The following TCF7L2 variants were observed in gnomAD, a reference collection of about 807,000 sequenced individuals.
The protein encoded by TCF7L2 is transcription factor 7 like 2.
In TCF7L2, 23 loss-of-function variants were observed where a neutral mutation model predicts 77.9. The ratio of observed to expected loss-of-function variants is 0.30; its 90% CI spans 0.21 to 0.42. The LOEUF is 0.42. TCF7L2 is among the 10% of genes least tolerant of loss of function. TCF7L2 has a pLI of 1.00. For synonymous variants in TCF7L2, 413 were observed against 340.2 expected (o/e 1.21, Z -2.36); for missense variants, 654 against 793.1 (o/e 0.82, Z 2.11).
At chr10:112,983,216 A>C (rs2040821799) in intron 4 of TCF7L2, among the ~76,000 whole-genome samples, 1 of 151,676 alleles carries the variant, frequency 6.6e-6, no homozygotes, top group Non-Finnish European at 1.5e-5. Context: ...TCATGCCTGT[A>C]ATCCCAGCAC....
At chr10:113,073,503 CAAAAAAAAAAAAAAAA>C (rs35730806) in intron 5 of TCF7L2, among the ~76,000 whole-genome samples, 28 of 43,980 alleles carry the variant, frequency 6.4e-4, no homozygotes, top group African/African-American at 2.4e-3. Context: ...CGGTCTCTAC[CAAAAAAAAAAAAAAAA>C]AAAAAAAAAA....
intron 5 of TCF7L2, among the ~76,000 whole-genome samples, chr10:113,072,209 C>T (rs1012048028): frequency 3.3e-5 from 5 of 152,032 alleles, no homozygotes; most frequent in Admixed American, 1.3e-4. Context: ...GCACCCGCCA[C>T]CACGCCCGAC....
chr10:113,052,968 G>C lies in TCF7L2; in HGVS notation c.552+12842G>C, dbSNP rs11196209. The stretch of plus-strand genomic sequence containing the variant: ...TTGTTCTTTTTAAAAAGATACAAAC[G>C]AACTTCTTTATCTGATTCTTTTTTT... On this transcript the variant is annotated intron_variant, in intron 5 of 13. Coordinates refer to ENST00000627217, the MANE Select transcript of TCF7L2 (RefSeq NM_001146274.2). Among the ~76,000 whole-genome samples, 4 of 152,206 alleles carry C rather than the reference G, an allele frequency of 2.6e-5. No individual in the cohort carries two copies. In the East Asian group the frequency reaches 5.8e-4, roughly 22 times the overall value.
chr10:113,057,938 T>G (rs1055434583), intron 5 of TCF7L2, among the ~76,000 whole-genome samples: 1 of 152,198 alleles, frequency 6.6e-6, no homozygotes, highest in African/African-American at 2.4e-5. Context: ...GGGGGCTGTT[T>G]GAGATGGAGG....
chr10:113,124,221 G>T (rs557550414), intron 5 of TCF7L2, among the ~76,000 whole-genome samples: 1 of 152,168 alleles, frequency 6.6e-6, no homozygotes, highest in South Asian at 2.1e-4. Context: ...TGAGAACTTT[G>T]CCATCTGTAT....
intron 5 of TCF7L2, among the ~76,000 whole-genome samples, chr10:113,135,613 C>T (rs556218588): frequency 2.0e-5 from 3 of 152,270 alleles, no homozygotes; most frequent in East Asian, 1.9e-4. Context: ...CCAGAACTGA[C>T]GACATAAAGT....
chr10:113,057,083 G>T (rs2055517386), intron 5 of TCF7L2, among the ~76,000 whole-genome samples: 1 of 152,206 alleles, frequency 6.6e-6, no homozygotes, highest in South Asian at 2.1e-4. Context: ...GAGGAAAGTT[G>T]CTGTGAGTAG....
chr10:113,024,037 C>T (rs1439378411), intron 4 of TCF7L2, among the ~76,000 whole-genome samples: 1 of 151,844 alleles, frequency 6.6e-6, no homozygotes, highest in Non-Finnish European at 1.5e-5. Flanking sequence ...GTGGCTCATG[C>T]CTGTAATCCT....
chr10:113,131,264 A>T lies in TCF7L2; in HGVS notation c.553-9920A>T, dbSNP rs139318556. On this transcript the variant is annotated intron_variant, in intron 5 of 13. Coordinates refer to ENST00000627217, the MANE Select transcript of TCF7L2 (RefSeq NM_001146274.2). ...GACTTATGTTCATATTTTCAACATC[A>T]TGAATTAAATTCTGTGTGTCAAATT... 2.9e-3 allele frequency among the ~76,000 whole-genome samples: 441 copies of T among 152,356 alleles called. 3 individuals carry two copies. The highest frequency in any genetic ancestry group is 0.01 in the African/African-American group (425 of 41,572).
intron 5 of TCF7L2, among the ~76,000 whole-genome samples, chr10:113,059,182 T>C (rs2055967906): frequency 1.3e-5 from 2 of 152,124 alleles, no homozygotes; most frequent in African/African-American, 2.4e-5. Flanking sequence ...TTGGGTTTTT[T>C]CGGATGCATT....
intron 5 of TCF7L2, among the ~76,000 whole-genome samples, chr10:113,040,358 T>C (rs2052222843): frequency 6.6e-6 from 1 of 152,248 alleles, no homozygotes; most frequent in Non-Finnish European, 1.5e-5. Context: ...CTCTTTTCCA[T>C]GTATTTGGTT....
At chr10:113,133,818 A>C (rs1051679755) in intron 5 of TCF7L2, among the ~76,000 whole-genome samples, 5 of 152,192 alleles carry the variant, frequency 3.3e-5, no homozygotes, top group African/African-American at 9.7e-5. Flanking sequence ...AAAGCCAGCT[A>C]TTGATAATTT....
At chr10:113,161,460 A>T in intron 13 of TCF7L2, 1 of 1,114,116 alleles carries the variant, frequency 9.0e-7, no homozygotes, top group Non-Finnish European at 1.3e-6. Context: ...CTGCATTCTC[A>T]GGGAAAGTGT....
intron 11 of TCF7L2, among the ~76,000 whole-genome samples, chr10:113,154,256 C>T (rs1281273156): frequency 6.6e-6 from 1 of 152,176 alleles, no homozygotes; most frequent in African/African-American, 2.4e-5. Context: ...CAGTAGCAGG[C>T]AGGCTCCATA....
At chr10:113,008,872 C>G (rs2046001309) in intron 4 of TCF7L2, among the ~76,000 whole-genome samples, 1 of 152,148 alleles carries the variant, frequency 6.6e-6, no homozygotes, top group African/African-American at 2.4e-5. Flanking sequence ...AGTTGCTCAA[C>G]CCAGGTGTGG....
chr10:113,038,572 G>A (rs900835743), intron 4 of TCF7L2, among the ~76,000 whole-genome samples: 3 of 152,238 alleles, frequency 2.0e-5, no homozygotes, highest in Admixed American at 1.3e-4. Flanking sequence ...TCTGTCTCTC[G>A]TGGGATTTGT....
chr10:112,992,334 C>T (rs151142866), intron 4 of TCF7L2, among the ~76,000 whole-genome samples: 1 of 152,332 alleles, frequency 6.6e-6, no homozygotes, highest in Non-Finnish European at 1.5e-5. Flanking sequence ...ACGCCACCCT[C>T]GCCTCCGCCC....
chr10:113,097,354 A>G (rs556069032), intron 5 of TCF7L2, among the ~76,000 whole-genome samples: 2 of 152,292 alleles, frequency 1.3e-5, no homozygotes, highest in East Asian at 1.9e-4. Context: ...TGCCAGTTGT[A>G]GAAGAACCCA....
At chr10:113,153,350 C>A (rs546562542) in intron 11 of TCF7L2, among the ~76,000 whole-genome samples, 1 of 152,310 alleles carries the variant, frequency 6.6e-6, no homozygotes, top group Admixed American at 6.5e-5. Flanking sequence ...CATTTGGTTC[C>A]GTGAAGGGAT....
Sources: gnomAD v4.1 joint callset for allele counts (sites outside exome capture counted in the v4.1 genomes callset) on GRCh38, gnomAD v4.1.1 for gene constraint, MANE v1.5 for transcripts, NCBI Gene and HGNC (gene_info 2026-07-23, HGNC 2026-07-21) for gene names.